The following AGMO variants were observed in gnomAD, a reference collection of about 807,000 sequenced individuals.
The protein encoded by AGMO is glyceryl-ether monooxygenase.
Under a neutral mutation model 60.2 loss-of-function variants are expected in AGMO, and 75 were observed. The observed-to-expected ratio is 1.25, with a 90% CI of 1.03 to 1.51. The LOEUF (loss-of-function observed/expected upper bound fraction) is 1.51. AGMO is among the 40% of genes most tolerant of loss of function. The pLI, the probability that AGMO is intolerant of heterozygous loss-of-function variation, is 0.00. For missense variants in AGMO, 763 were observed against 525.5 expected (o/e 1.45, Z -4.42); for synonymous variants, 261 against 177.1 (o/e 1.47, Z -3.76).
intron 12 of AGMO, among the ~76,000 whole-genome samples, chr7:15,347,342 A>G (rs1043634505): frequency 3.3e-5 from 5 of 152,090 alleles, no homozygotes; most frequent in African/African-American, 1.2e-4. Flanking sequence ...AAACTAGATA[A>G]TTAGGTTTCT....
At chr7:15,321,123 C>T (rs1293147017) in intron 12 of AGMO, among the ~76,000 whole-genome samples, 3 of 152,068 alleles carry the variant, frequency 2.0e-5, no homozygotes, top group Non-Finnish European at 2.9e-5. Flanking sequence ...ATTTTTGTTG[C>T]TATTGTAATT....
intron 12 of AGMO, among the ~76,000 whole-genome samples, chr7:15,235,326 T>A (rs2128500728): frequency 6.6e-6 from 1 of 152,222 alleles, no homozygotes; most frequent in East Asian, 1.9e-4. Context: ...GTCCCTAGAA[T>A]TTTGCAAAAT....
chr7:15,392,673 C>T (rs150716210), intron 6 of AGMO, among the ~76,000 whole-genome samples: 636 of 152,070 alleles, frequency 4.2e-3, no homozygotes, highest in Middle Eastern at 6.8e-3. Flanking sequence ...GTGGCTGGCA[C>T]CTGTAATCCA....
chr7:15,300,831 A>G (rs1047160143), intron 12 of AGMO, among the ~76,000 whole-genome samples: 3 of 152,180 alleles, frequency 2.0e-5, no homozygotes, highest in Non-Finnish European at 2.9e-5. Flanking sequence ...CTCTAAAGCC[A>G]AACAACAGCA....
intron 12 of AGMO, among the ~76,000 whole-genome samples, chr7:15,362,011 A>G (rs1330440996): frequency 6.6e-6 from 1 of 152,156 alleles, no homozygotes; most frequent in Non-Finnish European, 1.5e-5. Context: ...TGATAGCTTC[A>G]AAGAAAAATG....
intron 12 of AGMO, among the ~76,000 whole-genome samples, chr7:15,262,906 C>T (rs1315848394): frequency 2.0e-5 from 3 of 152,050 alleles, no homozygotes; most frequent in Non-Finnish European, 4.4e-5. Context: ...GGATCCACAT[C>T]TCTCACCTTA....
At chr7:15,273,801 G>A (rs140161218) in intron 12 of AGMO, among the ~76,000 whole-genome samples, 3,417 of 152,166 alleles carry the variant, frequency 0.022, 131 homozygotes, top group African/African-American at 0.079. Context: ...ATTTTGTTGA[G>A]CAGTGGTTTG....
rs539335329 is a variant in AGMO, at chr7:15,512,565, C to T, written c.409+32207G>A. 5.3e-5 allele frequency among the ~76,000 whole-genome samples: 8 copies of T among 152,250 alleles called. No individual in the cohort carries two copies. The East Asian group carries it at 1.5e-3, about 29-fold the overall frequency. ...ACTATGCCCGGCCTAAAGTCTGATA[C>T]TCCTTTTTCAATTGATAAGTATGTC... is the stretch of plus-strand genomic sequence containing the variant. On this transcript the variant is annotated intron_variant, in intron 3 of 12. Transcript: ENST00000342526.
chr7:15,397,204 G>A (rs1177688986), intron 5 of AGMO, among the ~76,000 whole-genome samples: 4 of 152,146 alleles, frequency 2.6e-5, no homozygotes, highest in Non-Finnish European at 4.4e-5. Flanking sequence ...GAGACCCGCC[G>A]TCCTGGCCTA....
intron 12 of AGMO, among the ~76,000 whole-genome samples, chr7:15,288,864 AAT>A (rs1400305152): frequency 6.7e-6 from 1 of 149,344 alleles, no homozygotes; most frequent in Non-Finnish European, 1.5e-5. Flanking sequence ...AAAAAAAAAA[AAT>A]ATATATACAC....
At chr7:15,158,284 T>G in the AGMO span, among the ~76,000 whole-genome samples, 5 of 152,118 alleles carry the variant, frequency 3.3e-5, no homozygotes, top group African/African-American at 1.2e-4. Context: ...TTGTTCTCAT[T>G]AGGCAAGTGT....
rs181699930 is a variant in AGMO, at chr7:15,447,042, A to G, written c.410-15934T>C. ...TTGGACACTGAGGCACCAAACGATG[A>G]GATGAAAGGGAATAAATGAATATTG... On this transcript the variant is annotated intron_variant, in intron 3 of 12. Transcript: ENST00000342526. 1.5e-3 allele frequency among the ~76,000 whole-genome samples: 236 copies of G among 152,326 alleles called. 2 individuals are homozygous for G. Among genetic ancestry groups the G allele is most frequent in the Non-Finnish European group, 1.7e-3 (113 of 68,016 alleles).
intron 12 of AGMO, among the ~76,000 whole-genome samples, chr7:15,205,541 A>G (rs916665884): frequency 6.6e-6 from 1 of 152,176 alleles, no homozygotes; most frequent in Non-Finnish European, 1.5e-5. Flanking sequence ...TGAATCACTA[A>G]TAAGATGAAT....
intron 10 of AGMO, among the ~76,000 whole-genome samples, chr7:15,380,858 A>G (rs565951803): frequency 2.0e-5 from 3 of 152,286 alleles, no homozygotes; most frequent in African/African-American, 7.2e-5. Flanking sequence ...AACAGAACAG[A>G]GAACTCAGAA....
intron 3 of AGMO, among the ~76,000 whole-genome samples, chr7:15,491,041 G>A (rs12699723): frequency 0.67 from 101,858 of 151,980 alleles, 34,553 homozygotes; most frequent in East Asian, 0.97. Flanking sequence ...TTTAGCATCT[G>A]TAAATCTGAG....
chr7:15,552,153 C>T (rs935310737), intron 2 of AGMO, among the ~76,000 whole-genome samples: 27 of 152,082 alleles, frequency 1.8e-4, no homozygotes, highest in Admixed American at 1.2e-3. Context: ...TCCTTACACC[C>T]TATACAAAAA....
chr7:15,518,858 A>T (rs900551414), intron 3 of AGMO, among the ~76,000 whole-genome samples: 10 of 151,970 alleles, frequency 6.6e-5, no homozygotes, highest in African/African-American at 2.4e-4. Flanking sequence ...GGTGGGTAAT[A>T]AAAAACTCCT....
chr7:15,165,406 C>T, the AGMO span, among the ~76,000 whole-genome samples: 1 of 152,006 alleles, frequency 6.6e-6, no homozygotes, highest in Admixed American at 6.6e-5. Context: ...TGAAAGTTAC[C>T]ATAAAAGACA....
chr7:15,333,800 A>G (rs1367463846), intron 12 of AGMO, among the ~76,000 whole-genome samples: 1 of 152,074 alleles, frequency 6.6e-6, no homozygotes, highest in Non-Finnish European at 1.5e-5. Flanking sequence ...TAAATATCAA[A>G]GAAATGTAGT....
Sources: gnomAD v4.1 joint callset for allele counts (sites outside exome capture counted in the v4.1 genomes callset) on GRCh38, gnomAD v4.1.1 for gene constraint, MANE v1.5 for transcripts, NCBI Gene and HGNC (gene_info 2026-07-23, HGNC 2026-07-21) for gene names.